Variants in KAZN observed in about 807,000 individuals in gnomAD.
KAZN encodes the protein kazrin, periplakin interacting protein, also known as kazrin.
Under a neutral mutation model 87.4 loss-of-function variants are expected in KAZN, and 40 were observed. That is an observed-to-expected ratio of 0.46 (90% CI 0.36 to 0.60). The LOEUF (loss-of-function observed/expected upper bound fraction) is 0.60, where lower values mean the gene tolerates loss of function less well. KAZN is among the 20% of genes least tolerant of loss of function. The probability of loss-of-function intolerance (pLI) is 0.00; values close to 1 mark genes in which losing one functional copy is unlikely to be tolerated. For synonymous variants in KAZN, 466 were observed against 458.3 expected (o/e 1.02, Z -0.22); for missense variants, 898 against 1,073.9 (o/e 0.84, Z 2.29).
intron 8 of KAZN, among the ~76,000 whole-genome samples, chr1:15,080,207 C>T (rs772777149): frequency 1.3e-5 from 2 of 152,142 alleles, no homozygotes; most frequent in African/African-American, 2.4e-5. Context: ...GACGGTGGCA[C>T]CAAAATGAGG....
intron 1 of KAZN, among the ~76,000 whole-genome samples, chr1:13,959,403 T>C (rs1314893473): frequency 6.6e-6 from 1 of 152,200 alleles, no homozygotes; most frequent in Non-Finnish European, 1.5e-5. Flanking sequence ...TGGGATGGAC[T>C]GTAAGTTGGC....
At chr1:14,889,751 C>T (rs1451050584) in intron 1 of KAZN, among the ~76,000 whole-genome samples, 1 of 152,150 alleles carries the variant, frequency 6.6e-6, no homozygotes, top group African/African-American at 2.4e-5. Flanking sequence ...GAATGTTTCA[C>T]GATGTGAAAT....
At chr1:14,417,472 G>C (rs1228031069) in intron 2 of KAZN, among the ~76,000 whole-genome samples, 3 of 152,158 alleles carry the variant, frequency 2.0e-5, no homozygotes, top group African/African-American at 7.2e-5. Flanking sequence ...AATTTCAGCT[G>C]CTCAGTCTAC....
chr1:14,655,285 T>C (rs1638716948), intron 1 of KAZN, among the ~76,000 whole-genome samples: 1 of 152,136 alleles, frequency 6.6e-6, no homozygotes, highest in African/African-American at 2.4e-5. Flanking sequence ...CCTCCTCTGC[T>C]CTTTCTGGAT....
rs145135106 is a variant in KAZN, at chr1:14,431,198, A to G, written c.250-167785A>G. Among the ~76,000 whole-genome samples the G allele has an allele frequency of 3.4e-3, 519 of 152,342 alleles. 2 individuals carry two copies. Among genetic ancestry groups the G allele is most frequent in the African/African-American group, 0.012 (494 of 41,584 alleles). On this transcript the variant is annotated intron_variant, in intron 2 of 16. Transcript: ENST00000636203. ...ATTATGAGTGGGGTAAATAGAAGGT[A>G]TGGGCCACTTAGCATCCACCTGACA... is the stretch of plus-strand genomic sequence containing the variant.
chr1:14,116,615 G>A (rs996170398), intron 1 of KAZN, among the ~76,000 whole-genome samples: 3 of 152,332 alleles, frequency 2.0e-5, no homozygotes, highest in East Asian at 3.9e-4. Context: ...AGGGAAATGT[G>A]GGGTCAGAGC....
At chr1:14,424,497 C>T (rs1162822383) in intron 2 of KAZN, among the ~76,000 whole-genome samples, 1 of 152,182 alleles carries the variant, frequency 6.6e-6, no homozygotes. Context: ...TAAGCTCACC[C>T]ACACATACGC....
At chr1:14,251,702 G>T (rs1041669561) in intron 2 of KAZN, among the ~76,000 whole-genome samples, 1 of 136,718 alleles carries the variant, frequency 7.3e-6, no homozygotes, top group Non-Finnish European at 1.5e-5. Context: ...CAGGCTAAGT[G>T]CAGTGGCATG....
intron 1 of KAZN, among the ~76,000 whole-genome samples, chr1:14,927,228 A>G (rs10927580): frequency 0.35 from 53,161 of 152,038 alleles, 11,039 homozygotes; most frequent in African/African-American, 0.58. Context: ...AGGTTCTTAA[A>G]CTGGGAACAG....
intron 2 of KAZN, among the ~76,000 whole-genome samples, chr1:14,582,595 C>T (rs1294898858): frequency 6.6e-6 from 1 of 152,126 alleles, no homozygotes; most frequent in Non-Finnish European, 1.5e-5. Flanking sequence ...TGTGGATGGG[C>T]ACTGGAGGAA....
At chr1:14,906,225 C>T (rs1656571718) in intron 1 of KAZN, among the ~76,000 whole-genome samples, 1 of 151,446 alleles carries the variant, frequency 6.6e-6, no homozygotes, top group Non-Finnish European at 1.5e-5. Flanking sequence ...TAATACAGCA[C>T]ATGGATCCAG....
intron 13 of KAZN, among the ~76,000 whole-genome samples, chr1:15,106,534 G>A (rs1641301085): frequency 6.6e-6 from 1 of 152,170 alleles, no homozygotes; most frequent in Non-Finnish European, 1.5e-5. Context: ...TAGTCAGGGA[G>A]CACCAGAGAA....
At chr1:14,269,150 G>A (rs532426275) in intron 2 of KAZN, among the ~76,000 whole-genome samples, 2 of 152,268 alleles carry the variant, frequency 1.3e-5, no homozygotes, top group African/African-American at 2.4e-5. Context: ...TGCCCCCAAG[G>A]GGGTGAAAAT....
chr1:14,109,698 T>A lies in KAZN; in HGVS notation c.92-70737T>A, dbSNP rs546436324. ...GCACGGCCCAGCGTGAACCTGAGGG[T>A]AATTACTCTAATTTGCAGCTGCATC... On this transcript the variant is annotated intron_variant, in intron 1 of 16. Transcript: ENST00000636203. 2.0e-5 allele frequency among the ~76,000 whole-genome samples: 3 copies of A among 151,714 alleles called. No homozygotes were observed. In the South Asian group the frequency reaches 6.2e-4, roughly 32 times the overall value.
rs1643872232 is a variant in KAZN at position 14,735,445 on chromosome 1, C to T, written c.226+136222C>T. The stretch of plus-strand genomic sequence containing the variant: ...CTCCTTCTTCTTCCAGGCAGCCCTG[C>T]CCTGGTTTCCAGCCACCTTGGGTGT... On this transcript the variant is annotated intron_variant, in intron 1 of 14. Transcript: ENST00000376030. The surrounding 1 kb of genome is among the most constrained non-coding windows in gnomAD (Gnocchi z 4.3). Among the ~76,000 whole-genome samples, 2 of 152,216 alleles carry T rather than the reference C, an allele frequency of 1.3e-5. No individual in the cohort carries two copies. The highest frequency in any genetic ancestry group is 4.8e-5 in the African/African-American group (2 of 41,446).
At chr1:15,047,094 G>A (rs375199976) in intron 4 of KAZN, among the ~76,000 whole-genome samples, 81 of 152,350 alleles carry the variant, frequency 5.3e-4, no homozygotes, top group African/African-American at 1.4e-3. Flanking sequence ...GCATCTGCCC[G>A]TGTGAATGTT....
chr1:14,368,915 G>C (rs1240428198), intron 2 of KAZN, among the ~76,000 whole-genome samples: 1 of 152,138 alleles, frequency 6.6e-6, no homozygotes, highest in Non-Finnish European at 1.5e-5. Flanking sequence ...TTCTCTCCAA[G>C]TATATTAATA....
rs183633040 is a variant in KAZN at position 14,858,290 on chromosome 1, G to A, written c.227-102394G>A. 3.2e-4 allele frequency among the ~76,000 whole-genome samples: 45 copies of A among 139,212 alleles called. 1 individual carries two copies. The highest frequency in any genetic ancestry group is 9.0e-4 in the South Asian group (4 of 4,420). The allele number at this position is 139,212 out of a possible 152,430, so 91.3% of individuals were successfully genotyped here. On this transcript the variant is annotated intron_variant, in intron 1 of 14. Transcript: ENST00000376030. ...TGCAGTGGTGCCATCTTGGCTCACC[G>A]CAACCTCCACCTCCCAGGTTCAAGT...
Position 14,315,188 on chromosome 1 carries a change from A to G in KAZN, c.249+134596A>G, listed in dbSNP as rs146466036. Among the ~76,000 whole-genome samples, 60 of 152,054 alleles carry G rather than the reference A, an allele frequency of 3.9e-4. No individual in the cohort carries two copies. The East Asian group carries it at 0.01, about 27-fold the overall frequency. ...CTTTCATTTTATTCCCTTGTTCTTT[A>G]TCTGTCTCCAAAACCACAGAAGAAA... On this transcript the variant is annotated intron_variant, in intron 2 of 16. Coordinates refer to the KAZN transcript ENST00000636203.
Sources: allele counts gnomAD v4.1 joint callset (sites outside exome capture counted in the v4.1 genomes callset), GRCh38; gene constraint gnomAD v4.1.1; non-coding constraint Gnocchi (gnomAD v3.1); transcripts MANE v1.5; gene names NCBI Gene and HGNC (gene_info 2026-07-23, HGNC 2026-07-21).